The following USP9X variants were observed in gnomAD, a reference collection of about 807,000 sequenced individuals.
USP9X encodes the protein ubiquitin carboxyl-terminal hydrolase 9X.
A neutral mutation model predicts 190.3 loss-of-function variants in USP9X; 7 were observed. The ratio of observed to expected loss-of-function variants is 0.04; its 90% CI spans 0.02 to 0.07. USP9X has a LOEUF of 0.07. USP9X is among the 10% of genes least tolerant of loss of function. The pLI is 1.00. For missense variants in USP9X, 1,010 were observed against 1,916.9 expected, an observed-to-expected ratio of 0.53 and a Z score of 8.83; for synonymous variants, 645 against 659.5, an observed-to-expected ratio of 0.98 and a Z score of 0.34.
chrX:41,186,299 C>G (rs2062875013), intron 23 of USP9X, among the ~76,000 whole-genome samples: 1 of 111,217 alleles, frequency 9.0e-6, no homozygotes, highest in Non-Finnish European at 1.9e-5. Context: ...GTTGATTGCT[C>G]TAGAATGGGG....
intron 1 of USP9X, among the ~76,000 whole-genome samples, chrX:41,106,567 G>T (rs1170274570): frequency 1.4e-5 from 1 of 70,842 alleles, no homozygotes; most frequent in Non-Finnish European, 2.4e-5. Context: ...GTCTTGCTCT[G>T]TCACTCAGGC....
rs1356401012 is a variant in USP9X at position 41,210,695 on chromosome X, T to G, written c.5189+13T>G. ...GCTGCCCACATAGGTAAGTACTAAT[T>G]ACACATTGAAAGTATATGTTGTACC... On this transcript the variant is annotated intron_variant, in intron 33 of 44. Coordinates refer to ENST00000378308, the MANE Select transcript of USP9X (RefSeq NM_001039591.3). The G allele has an allele frequency of 8.3e-7, 1 of 1,206,360 alleles. No individual in the cohort carries two copies. Among genetic ancestry groups the G allele is most frequent in the Non-Finnish European group, 1.1e-6 (1 of 893,223 alleles).
Position 41,197,352 on chromosome X carries a change from C to CCCCCGGGGGGGGGGGGG in USP9X, c.4234-12_4234-11insCCCCGGGGGGGGGGGGG. 1 of 988,221 alleles carries CCCCCGGGGGGGGGGGGG rather than the reference C, an allele frequency of 1.0e-6. No individual in the cohort carries two copies. Among genetic ancestry groups the CCCCCGGGGGGGGGGGGG allele is most frequent in the Non-Finnish European group, 1.3e-6 (1 of 759,388 alleles). The allele number at this position is 988,221 out of a possible 1,213,427, so 81.4% of individuals were successfully genotyped here. On this transcript the variant is annotated splice_polypyrimidine_tract_variant and intron_variant, in intron 28 of 44. Coordinates refer to ENST00000378308, the MANE Select transcript of USP9X (RefSeq NM_001039591.3). ...TTCTTCCCCCCCCCACCCCACCCCC[C>CCCCCGGGGGGGGGGGGG]GCCTTTGGCAGGATGATGTTAAAAG...
intron 21 of USP9X, among the ~76,000 whole-genome samples, chrX:41,179,483 C>T (rs1391891925): frequency 9.0e-6 from 1 of 111,193 alleles, no homozygotes; most frequent in African/African-American, 3.3e-5. Context: ...AAATTTATTC[C>T]TAGGCATCTT....
chrX:41,205,537 A>G (rs2063083449), intron 32 of USP9X, 44 bp downstream of exon 32: 2 of 1,065,078 alleles, frequency 1.9e-6, no homozygotes, highest in Non-Finnish European at 2.5e-6. Flanking sequence ...CTTAAAATGA[A>G]CATCTCAATA....
chrX:41,183,191 A>G (rs1179104732), intron 21 of USP9X, among the ~76,000 whole-genome samples: 1 of 109,878 alleles, frequency 9.1e-6, no homozygotes, highest in Non-Finnish European at 1.9e-5. Context: ...TGCCTGCCTC[A>G]GCTTCCCAGA....
At chrX:41,183,750 G>A (rs1394517108) in intron 21 of USP9X, among the ~76,000 whole-genome samples, 1 of 111,133 alleles carries the variant, frequency 9.0e-6, no homozygotes, top group African/African-American at 3.3e-5. Flanking sequence ...TTGATTTGAG[G>A]TCCCTGAGTA....
At chrX:41,200,832 A>G (rs987457389) in intron 30 of USP9X, among the ~76,000 whole-genome samples, 3 of 112,285 alleles carry the variant, frequency 2.7e-5, no homozygotes, top group African/African-American at 9.7e-5. Context: ...ACATCATATG[A>G]AACGGGTTTG....
chrX:41,169,005 C>T (rs2062701999), intron 18 of USP9X, among the ~76,000 whole-genome samples: 1 of 110,838 alleles, frequency 9.0e-6, no homozygotes, highest in African/African-American at 3.3e-5. Flanking sequence ...ATATAAATAG[C>T]ATTTTGGAGT....
intron 11 of USP9X, among the ~76,000 whole-genome samples, chrX:41,146,755 A>C (rs1436624422): frequency 1.8e-5 from 1 of 56,477 alleles, no homozygotes; most frequent in Non-Finnish European, 3.0e-5. Flanking sequence ...GTAGTTCTTG[A>C]TATATTTTGA....
At chrX:41,096,195 C>T (rs1057352333) in intron 1 of USP9X, among the ~76,000 whole-genome samples, 2 of 111,989 alleles carry the variant, frequency 1.8e-5, no homozygotes, top group African/African-American at 3.3e-5. Context: ...GTGTCATCTT[C>T]CCCCCCGCTC....
At chrX:41,107,191 G>T (rs768377645) in intron 1 of USP9X, among the ~76,000 whole-genome samples, 1 of 108,850 alleles carries the variant, frequency 9.2e-6, no homozygotes, top group East Asian at 2.9e-4. Flanking sequence ...GCCAATTTTT[G>T]TATTTTTAGT....
At chrX:41,188,684 A>G (rs915439807) in intron 25 of USP9X, among the ~76,000 whole-genome samples, 1 of 111,773 alleles carries the variant, frequency 8.9e-6, no homozygotes, top group Non-Finnish European at 1.9e-5. Context: ...CTTCTTTTAC[A>G]TGGCCAACAT....
At chrX:41,226,723 A>T (rs1206675654) in intron 41 of USP9X, among the ~76,000 whole-genome samples, 4 of 112,572 alleles carry the variant, frequency 3.6e-5, no homozygotes. Context: ...TCGTTTATTC[A>T]GGCAGTATTC....
At chrX:41,208,691 T>TTTTG (rs761047633) in intron 32 of USP9X, among the ~76,000 whole-genome samples, 96 of 110,835 alleles carry the variant, frequency 8.7e-4, no homozygotes, top group African/African-American at 2.9e-3. Context: ...TTTTTTTAAG[T>TTTTG]TTTGTTTGTT....
chrX:41,171,379 C>A (rs1158315306), intron 20 of USP9X, among the ~76,000 whole-genome samples: 1 of 111,820 alleles, frequency 8.9e-6, no homozygotes, highest in Non-Finnish European at 1.9e-5. Context: ...TAGGAAAATA[C>A]CTGTAATCTT....
In USP9X at chrX:41,085,784, AG is replaced by A. The variant is rs1300398461; in HGVS notation, c.-482del. ...GAGGAGGAGCAGGAGGAGGTGACGC[AG>A]GAGAAACGCACCGCCCGGAGCCCGT... On this transcript the variant is annotated 5_prime_UTR_variant, in exon 1 of 45. Transcript: ENST00000378308. 3.4e-6 allele frequency: 1 copy of A among 297,843 alleles called. No homozygotes were observed. The highest frequency in any genetic ancestry group is 4.8e-5 in the East Asian group (1 of 21,002). The allele number at this position is 297,843 out of a possible 1,213,427, so 24.5% of individuals were successfully genotyped here. A position where few individuals can be genotyped will look rare whatever the true frequency, so the allele number is the denominator to read the frequency against.
chrX:41,120,840 G>GT (rs772931570), intron 1 of USP9X, among the ~76,000 whole-genome samples: 8,953 of 89,998 alleles, frequency 0.099, 913 homozygotes, highest in African/African-American at 0.28. Flanking sequence ...CTTTAGTCAA[G>GT]TTTTTTTTTT....
intron 17 of USP9X, 26 bp from the exon 18 acceptor site, chrX:41,167,981 G>C (rs1962781759): frequency 4.3e-6 from 5 of 1,167,289 alleles, no homozygotes; most frequent in Non-Finnish European, 5.8e-6. Flanking sequence ...AATTTTAACT[G>C]TGTTTATTTG....
Sources: gnomAD v4.1 joint callset for allele counts (sites outside exome capture counted in the v4.1 genomes callset) on GRCh38, gnomAD v4.1.1 for gene constraint, MANE v1.5 for transcripts, NCBI Gene and HGNC (gene_info 2026-07-23, HGNC 2026-07-21) for gene names.